VAC14: variants seen among roughly 807,000 people sequenced by gnomAD.
The protein encoded by VAC14 is VAC14 component of PIKFYVE complex.
Under a neutral mutation model 85.3 loss-of-function variants are expected in VAC14, and 47 were observed. That is an observed-to-expected ratio of 0.55 (90% CI 0.44 to 0.70). The LOEUF (loss-of-function observed/expected upper bound fraction) is 0.70. VAC14 is among the 30% of genes least tolerant of loss of function. The pLI is 0.00. For synonymous variants in VAC14, 447 were observed against 430.5 expected, an observed-to-expected ratio of 1.04 and a Z score of -0.47; for missense variants, 861 against 1,004.3, an observed-to-expected ratio of 0.86 and a Z score of 1.93.
rs1455281282 is a variant in VAC14, at chr16:70,785,879, G to C, written c.256-10C>G. The stretch of plus-strand genomic sequence containing the variant: ...GGTAGAGCCCTGAGTCCTGCAAGGA[G>C]GCAGGAGGAGAAGACAGATCAGAAT... On this transcript the variant is annotated splice_polypyrimidine_tract_variant and intron_variant, in intron 2 of 18. Transcript: ENST00000261776. 2.5e-6 allele frequency: 4 copies of C among 1,600,904 alleles called. No individual in the cohort carries two copies. The highest frequency in any genetic ancestry group is 3.4e-6 in the Non-Finnish European group (4 of 1,172,376).
chr16:70,789,532 C>T (rs1049582251), intron 1 of VAC14, among the ~76,000 whole-genome samples: 1 of 152,210 alleles, frequency 6.6e-6, no homozygotes, highest in Non-Finnish European at 1.5e-5. Context: ...TGGTAGAATT[C>T]TCGCCTGCCA....
chr16:70,741,512 G>A (rs1041964803), intron 13 of VAC14, among the ~76,000 whole-genome samples: 6 of 152,196 alleles, frequency 3.9e-5, no homozygotes, highest in Non-Finnish European at 8.8e-5. Context: ...ACACGCGCAT[G>A]TGCACACACA....
rs5817709 is a variant in VAC14, at chr16:70,692,671, C to CG, written c.2186+149dup. On this transcript the variant is annotated intron_variant, in intron 18 of 18. Transcript: ENST00000261776. The stretch of plus-strand genomic sequence containing the variant: ...CAAGAGGCCAAGGGGCAAGTGGCTG[C>CG]GGGGGGGATGGTGGTCACAGTGACA... 0.1 allele frequency: 104,097 copies of CG among 1,039,202 alleles called. 5,517 individuals carry two copies. Among genetic ancestry groups the CG allele is most frequent in the African/African-American group, 0.15 (9,228 of 61,608 alleles). 64.4% of individuals were successfully genotyped at this position (1,039,202 alleles called of 1,614,324 possible). A position where few individuals can be genotyped will look rare whatever the true frequency, so the allele number is the denominator to read the frequency against.
intron 17 of VAC14, 123 bp downstream of exon 17, chr16:70,695,421 C>CT: frequency 2.1e-6 from 2 of 950,220 alleles, no homozygotes; most frequent in Non-Finnish European, 1.7e-6. Context: ...AGAAGCTTCC[C>CT]TGGGGTGACT....
chr16:70,691,563 A>G (rs1597843957), intron 18 of VAC14: 1 of 985,468 alleles, frequency 1.0e-6, no homozygotes, highest in East Asian at 1.1e-4. Context: ...GGGACACTGC[A>G]TCAGGTGCTG....
At chr16:70,781,480 G>A (rs144391512) in intron 8 of VAC14, among the ~76,000 whole-genome samples, 146 of 152,282 alleles carry the variant, frequency 9.6e-4, no homozygotes, top group African/African-American at 2.4e-3. Context: ...CAGGCTGTCC[G>A]AACTGAGCCC....
At chr16:70,743,340 C>T (rs2030545634) in intron 13 of VAC14, among the ~76,000 whole-genome samples, 1 of 152,188 alleles carries the variant, frequency 6.6e-6, no homozygotes, top group Admixed American at 6.5e-5. Flanking sequence ...GTGAGCGGGA[C>T]CAAAAAAGGG....
At chr16:70,730,342 C>G (rs185379357) in intron 14 of VAC14, among the ~76,000 whole-genome samples, 111 of 152,012 alleles carry the variant, frequency 7.3e-4, no homozygotes, top group African/African-American at 2.6e-3. Context: ...GTGCTGACCC[C>G]TGAGTAAGGT....
chr16:70,742,836 G>A (rs1488393025), intron 13 of VAC14, among the ~76,000 whole-genome samples: 7 of 152,250 alleles, frequency 4.6e-5, no homozygotes, highest in East Asian at 3.8e-4. Flanking sequence ...TTTATGACAC[G>A]TGAGGCTGCA....
At chr16:70,743,737 T>C (rs1250469479) in intron 13 of VAC14, among the ~76,000 whole-genome samples, 1 of 152,228 alleles carries the variant, frequency 6.6e-6, no homozygotes, top group Non-Finnish European at 1.5e-5. Flanking sequence ...CCTGTGTGGA[T>C]GTCCAGAGGG....
At chr16:70,797,722 C>A (rs2034603613) in intron 1 of VAC14, among the ~76,000 whole-genome samples, 1 of 152,116 alleles carries the variant, frequency 6.6e-6, no homozygotes, top group Non-Finnish European at 1.5e-5. Context: ...GTGGATTTCT[C>A]CCATGATGAT....
chr16:70,781,169 C>T (rs2033793823), intron 8 of VAC14, among the ~76,000 whole-genome samples: 1 of 152,124 alleles, frequency 6.6e-6, no homozygotes, highest in South Asian at 2.1e-4. Flanking sequence ...AAAAAGCCTC[C>T]CACCTCTCTT....
chr16:70,781,077 T>C (rs957467695), intron 8 of VAC14, 138 bp from the exon 9 acceptor site: 1 of 1,218,652 alleles, frequency 8.2e-7, no homozygotes, highest in Admixed American at 2.0e-5. Context: ...CCCTCACAAA[T>C]GGCTTGGTGC....
In VAC14 at chr16:70,783,120, C is replaced by T; in HGVS notation, c.724G>A (p.Glu242Lys). 6.2e-7 allele frequency: 1 copy of T among 1,614,042 alleles called. No individual in the cohort carries two copies. Among genetic ancestry groups the T allele is most frequent in the Non-Finnish European group, 8.5e-7 (1 of 1,180,010 alleles). The change falls in exon 7 of 19, where the codon GAA becomes AAA. Residue 242 changes from glutamate to lysine, a missense_variant. By Grantham distance (56) the Glu-to-Lys change is moderately conservative. Around this residue, in one of 3 missense-constraint regions of VAC14, gnomAD observed 629 missense variants for 703.1 expected, o/e 0.89. Coordinates refer to ENST00000261776, the MANE Select transcript of VAC14 (RefSeq NM_018052.5). ...IRKMCEVVLG[E>K]FLKEIKKNPS... ...TTCTTCTTAATTTCTTTTAAGAATT[C>T]TCCAAGAACAACCTCACACCTATGA...
chr16:70,736,064 C>G (rs538742937), intron 13 of VAC14, among the ~76,000 whole-genome samples: 1 of 152,224 alleles, frequency 6.6e-6, no homozygotes, highest in Non-Finnish European at 1.5e-5. Context: ...GCTGCCCACA[C>G]TGGAGGCACC....
chr16:70,793,004 C>G (rs963437888), intron 1 of VAC14, among the ~76,000 whole-genome samples: 2 of 152,182 alleles, frequency 1.3e-5, no homozygotes, highest in Non-Finnish European at 2.9e-5. Context: ...CTACCAAGTC[C>G]ATATCCCTTC....
Position 70,800,725 on chromosome 16 carries a change from C to T in VAC14, c.104+72G>A, listed in dbSNP as rs1322345625. On this transcript the variant is annotated intron_variant, in intron 1 of 18. Coordinates refer to ENST00000261776, the MANE Select transcript of VAC14 (RefSeq NM_018052.5). The stretch of plus-strand genomic sequence containing the variant: ...GGGAAAGTAACCCTGGCTGGGAAGG[C>T]GTGAGAAGTCCCCCTGGGGAGCAGA... 2.5e-5 allele frequency: 34 copies of T among 1,349,186 alleles called. No homozygotes were observed. In the Middle Eastern group the frequency reaches 7.2e-4, roughly 28 times the overall value. The allele number at this position is 1,349,186 out of a possible 1,614,324, so 83.6% of individuals were successfully genotyped here.
Position 70,687,792 on chromosome 16 carries a change from C to T in VAC14, c.*136G>A. 1 of 993,120 alleles carries T rather than the reference C, an allele frequency of 1.0e-6. No individual in the cohort carries two copies. Among genetic ancestry groups the T allele is most frequent in the Non-Finnish European group, 1.3e-6 (1 of 755,182 alleles). 61.5% of individuals were successfully genotyped at this position (993,120 alleles called of 1,614,324 possible). A position where few individuals can be genotyped will look rare whatever the true frequency, so the allele number is the denominator to read the frequency against. On this transcript the variant is annotated 3_prime_UTR_variant, in exon 19 of 19. Transcript: ENST00000261776. ...GGAGCTTGGGCAGACACAGCAGCCT[C>T]CGGCCCCAACACTGCCCTGGGTTGG... is the stretch of plus-strand genomic sequence containing the variant.
intron 10 of VAC14, chr16:70,768,729 T>C (rs1294396902): frequency 1.2e-5 from 5 of 431,302 alleles, no homozygotes; most frequent in African/African-American, 1.0e-4. Flanking sequence ...ATAAAAAATC[T>C]GGGATGCAAG....
Sources: allele counts gnomAD v4.1 joint callset (sites outside exome capture counted in the v4.1 genomes callset), GRCh38; gene constraint gnomAD v4.1.1; regional missense constraint gnomAD v4.1.1; transcripts MANE v1.5; gene names NCBI Gene and HGNC (gene_info 2026-07-23, HGNC 2026-07-21).